ABTB2: variants seen among roughly 807,000 people sequenced by gnomAD.
ABTB2 encodes ankyrin repeat and BTB domain containing 2.
ABTB2 carries 56 observed loss-of-function variants against 104.1 expected under a neutral mutation model. The ratio of observed to expected loss-of-function variants is 0.54; its 90% CI spans 0.43 to 0.67. The LOEUF (loss-of-function observed/expected upper bound fraction) is 0.67, where lower values mean the gene tolerates loss of function less well. Ranked by LOEUF, ABTB2 falls within the 30% of genes least tolerant of loss-of-function variation. The probability of loss-of-function intolerance (pLI) is 0.00; values close to 1 mark genes in which losing one functional copy is unlikely to be tolerated. For missense variants in ABTB2, 1,279 were observed against 1,407.7 expected (o/e 0.91, Z 1.46); for synonymous variants, 606 against 608.2 (o/e 1.00, Z 0.05).
intron 1 of ABTB2, among the ~76,000 whole-genome samples, chr11:34,215,403 AG>A (rs1220611607): frequency 6.6e-6 from 1 of 152,270 alleles, no homozygotes; most frequent in Non-Finnish European, 1.5e-5. Flanking sequence ...CACAAGGCCC[AG>A]GGCAGATGGC....
chr11:34,244,637 C>A (rs557435818), intron 1 of ABTB2, among the ~76,000 whole-genome samples: 1 of 152,312 alleles, frequency 6.6e-6, no homozygotes, highest in East Asian at 1.9e-4. Context: ...AATATTCACT[C>A]TCCCAACCCC....
intron 4 of ABTB2, among the ~76,000 whole-genome samples, chr11:34,171,620 T>C (rs1395937896): frequency 6.6e-6 from 1 of 152,184 alleles, no homozygotes; most frequent in Middle Eastern, 3.2e-3. Flanking sequence ...TTCTGAGCCC[T>C]TGTTGCTTCA....
Position 34,173,144 on chromosome 11 carries a change from C to T in ABTB2, c.1397+11G>A. ...TGGATGCCGGGGCCCTCCCTCCTCC[C>T]TGGTTCATACTTGAGCTGCCGAGGT... On this transcript the variant is annotated intron_variant, in intron 4 of 16. Coordinates refer to ENST00000435224, the MANE Select transcript of ABTB2 (RefSeq NM_145804.3). The T allele has an allele frequency of 6.2e-7, 1 of 1,613,678 alleles. No individual in the cohort carries two copies. The highest frequency in any genetic ancestry group is 8.5e-7 in the Non-Finnish European group (1 of 1,179,904).
intron 1 of ABTB2, among the ~76,000 whole-genome samples, chr11:34,279,355 C>A (rs1367340220): frequency 6.6e-6 from 1 of 152,196 alleles, no homozygotes; most frequent in Non-Finnish European, 1.5e-5. Flanking sequence ...TCTGCCTCAG[C>A]CTCCCAAAGT....
chr11:34,162,137 C>G (rs1156597194), intron 10 of ABTB2, among the ~76,000 whole-genome samples: 2 of 152,216 alleles, frequency 1.3e-5, no homozygotes, highest in Non-Finnish European at 2.9e-5. Flanking sequence ...GTCTGTCTGA[C>G]TAGCCTCCCT....
intron 3 of ABTB2, among the ~76,000 whole-genome samples, chr11:34,174,778 T>G (rs1344897793): frequency 6.6e-6 from 1 of 152,028 alleles, no homozygotes; most frequent in Non-Finnish European, 1.5e-5. Context: ...ACGGAGCTCT[T>G]TCCCTGCTCC....
chr11:34,342,564 C>G (rs7932025), intron 1 of ABTB2, among the ~76,000 whole-genome samples: 9,285 of 152,284 alleles, frequency 0.061, 330 homozygotes, highest in East Asian at 0.14. Context: ...TGTTTTTCAG[C>G]AGCAAAATGG....
intron 3 of ABTB2, among the ~76,000 whole-genome samples, chr11:34,190,398 C>T (rs1212625149): frequency 6.6e-6 from 1 of 152,172 alleles, no homozygotes; most frequent in Non-Finnish European, 1.5e-5. Context: ...TGACCTCATG[C>T]ACCATCATGC....
intron 13 of ABTB2, among the ~76,000 whole-genome samples, chr11:34,159,655 T>C (rs980255906): frequency 7.9e-5 from 12 of 152,350 alleles, no homozygotes; most frequent in Admixed American, 5.9e-4. Context: ...AGGATATTTA[T>C]GTTTTCTAAT....
intron 11 of ABTB2, 23 bp downstream of exon 11, chr11:34,160,880 A>AACTGGCC: frequency 6.3e-7 from 1 of 1,582,256 alleles, no homozygotes; most frequent in Non-Finnish European, 8.6e-7. Flanking sequence ...TGGGCTTGGG[A>AACTGGCC]ACTGGCCACT....
intron 3 of ABTB2, among the ~76,000 whole-genome samples, chr11:34,194,057 C>T (rs1174676268): frequency 6.6e-6 from 1 of 152,222 alleles, no homozygotes; most frequent in African/African-American, 2.4e-5. Flanking sequence ...GATGAACACA[C>T]GTCCCTTCCC....
At position 34,284,029 on chromosome 11, in the gene ABTB2, T is replaced by C. The variant is rs60837791; in HGVS notation, c.883+72672A>G. Among the ~76,000 whole-genome samples, 52 of 152,350 alleles carry C rather than the reference T, an allele frequency of 3.4e-4. 1 individual carries two copies. The East Asian group carries it at 3.7e-3, about 11-fold the overall frequency. On this transcript the variant is annotated intron_variant, in intron 1 of 16. Transcript: ENST00000435224. Reference sequence around the variant, plus strand: ...AAACTGTGCCATGCACATGAATCCCTGGGATCTTGTCCAAACAGGGCTCTG... The same window carrying C: ...AAACTGTGCCATGCACATGAATCCCCGGGATCTTGTCCAAACAGGGCTCTG...
At chr11:34,290,734 A>G (rs1005293779) in intron 1 of ABTB2, among the ~76,000 whole-genome samples, 1 of 152,216 alleles carries the variant, frequency 6.6e-6, no homozygotes, top group Non-Finnish European at 1.5e-5. Flanking sequence ...AGAGGCAGAA[A>G]CACCATGGAA....
chr11:34,297,778 A>C (rs998353534), intron 1 of ABTB2, among the ~76,000 whole-genome samples: 3 of 82,548 alleles, frequency 3.6e-5, no homozygotes, highest in Admixed American at 1.3e-4. Context: ...AAAAAAAAAA[A>C]AAAAAATAAA....
chr11:34,155,426 C>A (rs566260636), intron 14 of ABTB2, among the ~76,000 whole-genome samples: 8 of 152,390 alleles, frequency 5.2e-5, no homozygotes, highest in Non-Finnish European at 4.4e-5. Context: ...TGAGGTGGTC[C>A]AGGACCGGGA....
chr11:34,159,763 G>A, intron 13 of ABTB2, 143 bp downstream of exon 13: 1 of 688,196 alleles, frequency 1.5e-6, no homozygotes, highest in African/African-American at 1.8e-5. Context: ...TGGGGCGAGT[G>A]GGGCTCTGCT....
intron 1 of ABTB2, among the ~76,000 whole-genome samples, chr11:34,349,313 T>C (rs184505071): frequency 3.9e-5 from 6 of 152,286 alleles, no homozygotes; most frequent in African/African-American, 1.4e-4. Flanking sequence ...GCTCAGAGGG[T>C]GAGATCTAAT....
chr11:34,342,845 C>T (rs1359593122), intron 1 of ABTB2, among the ~76,000 whole-genome samples: 1 of 152,160 alleles, frequency 6.6e-6, no homozygotes, highest in Non-Finnish European at 1.5e-5. Context: ...GTTTCTTCAT[C>T]TTAAAGATGG....
At chr11:34,321,857 G>A (rs1055890778) in intron 1 of ABTB2, among the ~76,000 whole-genome samples, 5 of 152,190 alleles carry the variant, frequency 3.3e-5, no homozygotes, top group Middle Eastern at 3.2e-3. Flanking sequence ...CTTGAACTGG[G>A]TCACATGCCT....
Sources: allele counts gnomAD v4.1 joint callset (sites outside exome capture counted in the v4.1 genomes callset), GRCh38; gene constraint gnomAD v4.1.1; transcripts MANE v1.5; gene names NCBI Gene and HGNC (gene_info 2026-07-23, HGNC 2026-07-21).